DDRGK1: variants seen among roughly 807,000 people sequenced by gnomAD.
DDRGK1 encodes DDRGK domain-containing protein 1.
A neutral mutation model predicts 45.8 loss-of-function variants in DDRGK1; 38 were observed. The observed-to-expected ratio is 0.83, with a 90% CI of 0.64 to 1.09. The LOEUF is 1.09. Among genes scored for constraint, DDRGK1 ranks in the 50% least tolerant of loss-of-function variants. The pLI, the probability that DDRGK1 is intolerant of heterozygous loss-of-function variation, is 0.00. For synonymous variants in DDRGK1, 171 were observed against 168.7 expected, an observed-to-expected ratio of 1.01 and a Z score of -0.11; for missense variants, 403 against 419.9, an observed-to-expected ratio of 0.96 and a Z score of 0.35.
At chr20:3,196,551 G>C (rs571658882) in intron 4 of DDRGK1, among the ~76,000 whole-genome samples, 1 of 150,986 alleles carries the variant, frequency 6.6e-6, no homozygotes, top group Non-Finnish European at 1.5e-5. Flanking sequence ...CGTGGTGGTG[G>C]GCGCCTGTAG....
Position 3,203,369 on chromosome 20 carries a change from C to T in DDRGK1, c.139G>A (p.Val47Met). ...HNEELAGAGRVAQPGPLEPEE... is the reference protein window; with the variant it reads ...HNEELAGAGRMAQPGPLEPEE... The stretch of plus-strand genomic sequence containing the variant: ...GGCTCCAGGGGCCCAGGCTGGGCCA[C>T]CCGGCCTGCTCCTGCCAGCTCCTCA... The change falls in exon 2 of 9, where the codon GTG becomes ATG. Residue 47 changes from valine (V) to methionine (M), a missense_variant. Transcript: ENST00000354488. 6.2e-7 allele frequency: 1 copy of T among 1,607,200 alleles called. No homozygotes were observed. The highest frequency in any genetic ancestry group is 8.5e-7 in the Non-Finnish European group (1 of 1,176,580).
In DDRGK1 at chr20:3,190,826, G is replaced by A. The variant is rs769057983; in HGVS notation, c.779-7C>T. 6.2e-7 allele frequency: 1 copy of A among 1,607,828 alleles called. No individual in the cohort carries two copies. The highest frequency in any genetic ancestry group is 1.1e-5 in the South Asian group (1 of 90,182). ...CCCCGGTCGTCAATCACACCTGTGG[G>A]GACATGCAGGTTGTGGGGCTGAGGC... On this transcript the variant is annotated splice_polypyrimidine_tract_variant and splice_region_variant and intron_variant, in intron 8 of 8. Transcript: ENST00000354488.
At chr20:3,197,220 C>T (rs2067014980) in intron 4 of DDRGK1, among the ~76,000 whole-genome samples, 1 of 86,024 alleles carries the variant, frequency 1.2e-5, no homozygotes, top group Admixed American at 1.4e-4. Flanking sequence ...GAGACTCCAT[C>T]TCAGAAAAAA....
At chr20:3,196,549 TGG>T (rs1568500100) in intron 4 of DDRGK1, among the ~76,000 whole-genome samples, 5 of 147,728 alleles carry the variant, frequency 3.4e-5, no homozygotes, top group Non-Finnish European at 6.0e-5. Flanking sequence ...GGCGTGGTGG[TGG>T]GCGCCTGTAG....
chr20:3,196,786 G>A (rs1406516798), intron 4 of DDRGK1, among the ~76,000 whole-genome samples: 4 of 152,262 alleles, frequency 2.6e-5, no homozygotes, highest in African/African-American at 7.2e-5. Flanking sequence ...AAAACAAAAC[G>A]AGTGTGTGTT....
rs772787330 is a variant in DDRGK1, at chr20:3,191,199, T to TC, written c.768dup (p.Thr257AspfsTer7). 1.9e-6 allele frequency: 3 copies of TC among 1,614,028 alleles called. No homozygotes were observed. Among genetic ancestry groups the TC allele is most frequent in the Non-Finnish European group, 2.5e-6 (3 of 1,180,038 alleles). ...GCTCTCATCATCTCACCTGTTATAGTCCCCTCAGCCAGCAGGTCCTGGATG... is the reference window on the plus strand; with the variant it reads ...GCTCTCATCATCTCACCTGTTATAGTCCCCCTCAGCCAGCAGGTCCTGGATG... On this transcript the variant is annotated frameshift_variant, in exon 8 of 9. Coordinates refer to ENST00000354488, the MANE Select transcript of DDRGK1 (RefSeq NM_023935.3). LOFTEE classifies it high-confidence loss of function.
intron 6 of DDRGK1, among the ~76,000 whole-genome samples, chr20:3,193,319 T>C (rs1263528022): frequency 6.6e-6 from 1 of 152,172 alleles, no homozygotes; most frequent in East Asian, 1.9e-4. Context: ...GTCCTCCTTT[T>C]CCTTGCAAGA....
chr20:3,202,975 G>C (rs933655471), intron 2 of DDRGK1, among the ~76,000 whole-genome samples: 1 of 152,124 alleles, frequency 6.6e-6, no homozygotes, highest in East Asian at 1.9e-4. Context: ...GGAACATTCT[G>C]AATCAAACTG....
intron 6 of DDRGK1, 128 bp downstream of exon 6, chr20:3,194,702 C>T (rs2067002431): frequency 1.6e-6 from 2 of 1,255,682 alleles, no homozygotes; most frequent in Non-Finnish European, 2.3e-6. Flanking sequence ...GCGGCTCTGC[C>T]CCTCTGGGCC....
chr20:3,201,804 C>T (rs1478312774), intron 2 of DDRGK1, among the ~76,000 whole-genome samples: 1 of 150,272 alleles, frequency 6.7e-6, no homozygotes, highest in Non-Finnish European at 1.5e-5. Context: ...ACTACAGGCG[C>T]CAGCCACCAT....
Position 3,200,124 on chromosome 20 carries a change from G to C in DDRGK1, c.409-22C>G, listed in dbSNP as rs752786497. Reference sequence around the variant, plus strand: ...CTGCCTGGAGAGAGGTCTTCATAGGGGCACATCCCTCACCCCCGGCTAGAG... The same window carrying C: ...CTGCCTGGAGAGAGGTCTTCATAGGCGCACATCCCTCACCCCCGGCTAGAG... On this transcript the variant is annotated intron_variant, in intron 3 of 8. Coordinates refer to ENST00000354488, the MANE Select transcript of DDRGK1 (RefSeq NM_023935.3). The C allele has an allele frequency of 7.5e-6, 12 of 1,609,498 alleles. No individual in the cohort carries two copies. The South Asian group carries it at 1.2e-4, about 16-fold the overall frequency.
In DDRGK1 at chr20:3,203,835, T is replaced by C. The variant is rs1277034869; in HGVS notation, c.92-419A>G. Reference sequence around the variant, plus strand: ...CTCCCCCGGGAAGACCTGCTGGATCTCCGCCTTCCCTCAGCGTGTCCCTTC... The same window carrying C: ...CTCCCCCGGGAAGACCTGCTGGATCCCCGCCTTCCCTCAGCGTGTCCCTTC... On this transcript the variant is annotated intron_variant, in intron 1 of 8. Coordinates refer to ENST00000354488, the MANE Select transcript of DDRGK1 (RefSeq NM_023935.3). 7.9e-5 allele frequency among the ~76,000 whole-genome samples: 12 copies of C among 152,306 alleles called. No homozygotes were observed. In the South Asian group the frequency reaches 2.3e-3, roughly 29 times the overall value.
At position 3,194,223 on chromosome 20, in the gene DDRGK1, G is replaced by A. The variant is rs575100713; in HGVS notation, c.672+607C>T. ...TCCCTCTGCACTCCTTCCCTCAGCCGCCTCTGCACCTCTGAGTTGCACTTG... is the reference window on the plus strand; with the variant it reads ...TCCCTCTGCACTCCTTCCCTCAGCCACCTCTGCACCTCTGAGTTGCACTTG... On this transcript the variant is annotated intron_variant, in intron 6 of 8. Transcript: ENST00000354488. Among the ~76,000 whole-genome samples the A allele has an allele frequency of 1.7e-3, 261 of 151,950 alleles. 1 individual carries two copies. The highest frequency in any genetic ancestry group is 6.8e-3 in the Middle Eastern group (2 of 292).
chr20:3,195,309 C>T lies in DDRGK1; in HGVS notation c.555G>A (p.Glu185=). The change falls in exon 5 of 9, where the codon GAG becomes GAA. Residue 185 remains glutamate, a synonymous_variant. Transcript: ENST00000354488. ...RKAREEQAQR[E]HEEYLKLKEA... ...CCTTCAGTTTCAGGTACTCCTCATG[C>T]TCCCGCTGGGCCTGCTCCTCGCGGG... The T allele has an allele frequency of 1.2e-6, 2 of 1,612,860 alleles. No individual in the cohort carries two copies. Among genetic ancestry groups the T allele is most frequent in the Non-Finnish European group, 1.7e-6 (2 of 1,179,310 alleles).
chr20:3,190,918 T>C (rs895177331), intron 8 of DDRGK1, 99 bp from the exon 9 acceptor site: 9 of 1,472,536 alleles, frequency 6.1e-6, no homozygotes, highest in Non-Finnish European at 8.2e-6. Flanking sequence ...TCAGGGCCCT[T>C]CCGGCCTCCT....
rs760307305 is a variant in DDRGK1, at chr20:3,204,619, C to T, written c.9G>A (p.Ala3=). 2.4e-5 allele frequency: 38 copies of T among 1,587,064 alleles called. No homozygotes were observed. Among genetic ancestry groups the T allele is most frequent in the Non-Finnish European group, 3.0e-5 (35 of 1,170,818 alleles). ...CCGCCGCTACCAAGTACCACACAGGCGCCACCATGACGAGGGCCTCAGTGC... is the reference window on the plus strand; with the variant it reads ...CCGCCGCTACCAAGTACCACACAGGTGCCACCATGACGAGGGCCTCAGTGC... MV[A]PVWYLVAAAL... The change falls in exon 1 of 9, where the codon GCG becomes GCA. Residue 3 remains alanine (A), a synonymous_variant. Transcript: ENST00000354488.
Position 3,200,026 on chromosome 20 carries a change from C to T in DDRGK1, c.485G>A (p.Arg162Gln), listed in dbSNP as rs757093597. 3.4e-5 allele frequency: 55 copies of T among 1,613,354 alleles called. 1 individual carries two copies. The South Asian group carries it at 4.7e-4, about 14-fold the overall frequency. Residue 162 changes from arginine to glutamine, a missense_variant, in exon 4 of 9, where the codon CGG becomes CAG. Transcript: ENST00000354488. ...REAEWKKEEE[R>Q]LRLEEEQKEE... ...CTTCTGCTCCTCCTCCAGGCGAAGC[C>T]GCTCCTCCTCCTTCTTCCACTCAGC...
intron 1 of DDRGK1, among the ~76,000 whole-genome samples, 193 bp downstream of exon 1, chr20:3,204,344 G>A (rs563221987): frequency 9.5e-4 from 144 of 152,188 alleles, no homozygotes; most frequent in South Asian, 1.9e-3. Flanking sequence ...CGAGAGAAAG[G>A]GGTAGCGGCG....
At chr20:3,195,583 C>A (rs1368233794) in intron 4 of DDRGK1, among the ~76,000 whole-genome samples, 1 of 152,236 alleles carries the variant, frequency 6.6e-6, no homozygotes, top group Non-Finnish European at 1.5e-5. Flanking sequence ...AGCCCCTTCT[C>A]CCGCCCTCCG....
Sources: allele counts gnomAD v4.1 joint callset (sites outside exome capture counted in the v4.1 genomes callset), GRCh38; gene constraint gnomAD v4.1.1; transcripts MANE v1.5; gene names NCBI Gene and HGNC (gene_info 2026-07-23, HGNC 2026-07-21).